The following KIF6 variants were observed in gnomAD, a reference collection of about 807,000 sequenced individuals.
KIF6 encodes kinesin-like protein KIF6.
Under a neutral mutation model 112.7 loss-of-function variants are expected in KIF6, and 106 were observed. The ratio of observed to expected loss-of-function variants is 0.94; its 90% CI spans 0.80 to 1.11. The LOEUF (loss-of-function observed/expected upper bound fraction) is 1.11. Among genes scored for constraint, KIF6 ranks in the 50% least tolerant of loss-of-function variants. The pLI is 0.00. For missense variants in KIF6, 929 were observed against 964.0 expected (o/e 0.96, Z 0.48); for synonymous variants, 339 against 339.9 (o/e 1.00, Z 0.03).
At chr6:39,707,130 CAT>C (rs1789254918) in intron 3 of KIF6, among the ~76,000 whole-genome samples, 1 of 152,332 alleles carries the variant, frequency 6.6e-6, no homozygotes, top group African/African-American at 2.4e-5. Flanking sequence ...CGTTTTCTCA[CAT>C]GTGTAGAATT....
At chr6:39,696,425 C>A (rs1403859317) in intron 3 of KIF6, among the ~76,000 whole-genome samples, 9 of 152,086 alleles carry the variant, frequency 5.9e-5, no homozygotes, top group Non-Finnish European at 1.3e-4. Flanking sequence ...GTGTCACAAG[C>A]TGATGTGATA....
intron 10 of KIF6, among the ~76,000 whole-genome samples, chr6:39,566,491 C>G (rs1369961323): frequency 6.6e-6 from 1 of 152,126 alleles, no homozygotes; most frequent in African/African-American, 2.4e-5. Flanking sequence ...CAAATAGCTC[C>G]AGTTTGGAAG....
At chr6:39,448,549 C>A (rs541948535) in intron 13 of KIF6, among the ~76,000 whole-genome samples, 1 of 152,254 alleles carries the variant, frequency 6.6e-6, no homozygotes, top group Admixed American at 6.5e-5. Context: ...CTAGTCTGAC[C>A]AATATGCAGT....
chr6:39,512,026 T>C (rs1776815814), intron 13 of KIF6, among the ~76,000 whole-genome samples: 1 of 152,152 alleles, frequency 6.6e-6, no homozygotes. Context: ...CACACGAACA[T>C]GGCACATGTA....
chr6:39,439,152 C>CT (rs1438889823), intron 13 of KIF6, among the ~76,000 whole-genome samples: 1 of 152,186 alleles, frequency 6.6e-6, no homozygotes, highest in Non-Finnish European at 1.5e-5. Flanking sequence ...AGACTATACT[C>CT]TTGAAGGTAT....
chr6:39,532,616 A>G (rs918292237), intron 13 of KIF6, among the ~76,000 whole-genome samples: 2 of 152,176 alleles, frequency 1.3e-5, no homozygotes, highest in African/African-American at 4.8e-5. Flanking sequence ...TATTCAAAGC[A>G]AGGAGAAATG....
chr6:39,447,238 AG>A (rs1165344730), intron 13 of KIF6, among the ~76,000 whole-genome samples: 2 of 152,194 alleles, frequency 1.3e-5, no homozygotes, highest in Non-Finnish European at 2.9e-5. Context: ...GTGACAGGAC[AG>A]GGGCTTTCCA....
intron 13 of KIF6, among the ~76,000 whole-genome samples, chr6:39,539,207 T>TA (rs1778639375): frequency 6.6e-6 from 1 of 151,282 alleles, no homozygotes; most frequent in Admixed American, 6.6e-5. Context: ...CCCGAAAACT[T>TA]AAAGTATAAT....
At position 39,683,335 on chromosome 6, in the gene KIF6, C is replaced by G. The variant is rs540055192; in HGVS notation, c.251+31357G>C. ...GACAAATTGATTGATTCGGGAGATA[C>G]TTTAGAGTTCAGTTGACAGGACCTG... On this transcript the variant is annotated intron_variant, in intron 3 of 22. Coordinates refer to ENST00000287152, the MANE Select transcript of KIF6 (RefSeq NM_145027.6). Among the ~76,000 whole-genome samples, 203 of 152,182 alleles carry G rather than the reference C, an allele frequency of 1.3e-3. 1 individual carries two copies. The highest frequency in any genetic ancestry group is 4.7e-3 in the African/African-American group (197 of 41,524).
intron 13 of KIF6, among the ~76,000 whole-genome samples, chr6:39,517,772 A>C (rs764752559): frequency 3.3e-5 from 5 of 152,232 alleles, no homozygotes; most frequent in Non-Finnish European, 7.3e-5. Context: ...CATCTACTGT[A>C]TATTGAAACT....
At chr6:39,366,061 C>A (rs1391758075) in intron 16 of KIF6, among the ~76,000 whole-genome samples, 1 of 152,230 alleles carries the variant, frequency 6.6e-6, no homozygotes, top group Non-Finnish European at 1.5e-5. Flanking sequence ...GGTTCCCTGG[C>A]AGGTCACAGA....
intron 13 of KIF6, among the ~76,000 whole-genome samples, chr6:39,486,452 C>T (rs536511134): frequency 2.6e-5 from 4 of 152,302 alleles, no homozygotes; most frequent in South Asian, 2.1e-4. Flanking sequence ...TTGGATGTCA[C>T]GTGGAGCCTA....
At position 39,343,031 on chromosome 6, in the gene KIF6, C is replaced by T. The variant is rs1763429912; in HGVS notation, c.2428+678G>A. 2.0e-6 allele frequency: 2 copies of T among 985,336 alleles called. No homozygotes were observed. The highest frequency in any genetic ancestry group is 2.3e-4 in the East Asian group (2 of 8,812). The allele number at this position is 985,336 out of a possible 1,614,324, so 61.0% of individuals were successfully genotyped here. A position where few individuals can be genotyped will look rare whatever the true frequency, so the allele number is the denominator to read the frequency against. ...GGAGGAGGCTAAGACAAAATGCAGG[C>T]CTGGGGTAAGGGGCCCTGGGGCTTG... On this transcript the variant is annotated intron_variant, in intron 22 of 22. Transcript: ENST00000287152. This position sits in a 1 kb window ranked among gnomAD's most constrained non-coding sequence, Gnocchi z 4.1.
chr6:39,470,912 T>C (rs1774084330), intron 13 of KIF6, among the ~76,000 whole-genome samples: 1 of 152,202 alleles, frequency 6.6e-6, no homozygotes, highest in Admixed American at 6.5e-5. Context: ...TTTCCTTTAA[T>C]GGAACACCAC....
At chr6:39,337,187 C>CTTTCTTTCTTTCTTTCTT (rs1763035298) in intron 22 of KIF6, among the ~76,000 whole-genome samples, 1 of 85,118 alleles carries the variant, frequency 1.2e-5, no homozygotes, top group Admixed American at 1.2e-4. Flanking sequence ...TTCTTTCTTT[C>CTTTCTTTCTTTCTTTCTT]TTTCTTTCTT....
At chr6:39,478,258 T>C (rs1454367204) in intron 13 of KIF6, among the ~76,000 whole-genome samples, 1 of 152,170 alleles carries the variant, frequency 6.6e-6, no homozygotes, top group Non-Finnish European at 1.5e-5. Flanking sequence ...TGTATCCTCA[T>C]AGCTTAGCTC....
chr6:39,423,429 T>C (rs185402055), intron 14 of KIF6, among the ~76,000 whole-genome samples: 1 of 152,210 alleles, frequency 6.6e-6, no homozygotes, highest in African/African-American at 2.4e-5. Context: ...TCCTTGAATG[T>C]TGATAATCCA....
At chr6:39,704,870 T>A (rs1789104809) in intron 3 of KIF6, among the ~76,000 whole-genome samples, 1 of 152,242 alleles carries the variant, frequency 6.6e-6, no homozygotes, top group Admixed American at 6.5e-5. Context: ...AACGTTCCTG[T>A]GAATGTTAAC....
chr6:39,520,186 C>G (rs1034868670), intron 13 of KIF6, among the ~76,000 whole-genome samples: 8 of 152,042 alleles, frequency 5.3e-5, no homozygotes, highest in African/African-American at 1.5e-4. Context: ...AGAAAAGGGC[C>G]AGGAGAAGGG....
Sources: gnomAD v4.1 joint callset for allele counts (sites outside exome capture counted in the v4.1 genomes callset) on GRCh38, gnomAD v4.1.1 for gene constraint, Gnocchi (gnomAD v3.1) non-coding constraint, MANE v1.5 for transcripts, NCBI Gene and HGNC (gene_info 2026-07-23, HGNC 2026-07-21) for gene names.